PLXDC2: variants seen among roughly 807,000 people sequenced by gnomAD.
PLXDC2 encodes the protein plexin domain-containing protein 2.
In PLXDC2, 40 loss-of-function variants were observed where a neutral mutation model predicts 68.9. The ratio of observed to expected loss-of-function variants is 0.58; its 90% CI spans 0.45 to 0.76. PLXDC2 has a LOEUF of 0.76. Among genes scored for constraint, PLXDC2 ranks in the 30% least tolerant of loss-of-function variants. The probability of loss-of-function intolerance (pLI) is 0.00; values close to 1 mark genes in which losing one functional copy is unlikely to be tolerated. For synonymous variants in PLXDC2, 243 were observed against 234.2 expected (o/e 1.04, Z -0.34); for missense variants, 644 against 661.9 (o/e 0.97, Z 0.30).
At chr10:20,134,776 G>T (rs547087917) in intron 4 of PLXDC2, among the ~76,000 whole-genome samples, 1 of 152,074 alleles carries the variant, frequency 6.6e-6, no homozygotes, top group African/African-American at 2.4e-5. Context: ...ACCTAGGATT[G>T]CAAGTGTTGG....
chr10:20,210,963 G>C (rs1464550941), intron 9 of PLXDC2, among the ~76,000 whole-genome samples: 1 of 152,008 alleles, frequency 6.6e-6, no homozygotes, highest in Non-Finnish European at 1.5e-5. Context: ...CTCTCCCCAG[G>C]GTCAAACTGT....
chr10:20,093,268 C>G (rs1833305153), intron 4 of PLXDC2, among the ~76,000 whole-genome samples: 1 of 151,962 alleles, frequency 6.6e-6, no homozygotes, highest in South Asian at 2.1e-4. Context: ...TTCTCTCTCC[C>G]CATTCTTCAT....
intron 13 of PLXDC2, among the ~76,000 whole-genome samples, chr10:20,249,865 A>G (rs1835650614): frequency 6.6e-6 from 1 of 152,158 alleles, no homozygotes; most frequent in African/African-American, 2.4e-5. Context: ...AATTATATTA[A>G]AATGTAACCC....
chr10:20,119,442 G>A (rs1365690131), intron 4 of PLXDC2, among the ~76,000 whole-genome samples: 1 of 151,966 alleles, frequency 6.6e-6, no homozygotes, highest in East Asian at 1.9e-4. Flanking sequence ...TGAGCCAGGA[G>A]AAGGAATTTC....
At chr10:19,969,246 T>G (rs551090723) in intron 1 of PLXDC2, among the ~76,000 whole-genome samples, 1 of 152,308 alleles carries the variant, frequency 6.6e-6, no homozygotes, top group African/African-American at 2.4e-5. Flanking sequence ...CTCTCGTTCC[T>G]CCATTCATCC....
chr10:20,062,731 A>G (rs11011765), intron 3 of PLXDC2, among the ~76,000 whole-genome samples: 22,230 of 152,150 alleles, frequency 0.15, 1,913 homozygotes, highest in South Asian at 0.3. Context: ...CAGTTTCAAT[A>G]AAGTTAGTAA....
chr10:20,211,826 A>G, intron 10 of PLXDC2, 97 bp downstream of exon 10: 4 of 1,137,756 alleles, frequency 3.5e-6, no homozygotes, highest in Non-Finnish European at 5.0e-6. Flanking sequence ...ATGCCCTAAA[A>G]CTTAATGAAA....
intron 4 of PLXDC2, among the ~76,000 whole-genome samples, chr10:20,072,645 G>T (rs777092737): frequency 6.6e-6 from 1 of 152,206 alleles, no homozygotes; most frequent in Non-Finnish European, 1.5e-5. Flanking sequence ...TGGAAGGCAG[G>T]TTAGGGTGAA....
intron 6 of PLXDC2, among the ~76,000 whole-genome samples, chr10:20,151,902 A>G (rs1409967655): frequency 6.6e-6 from 1 of 152,084 alleles, no homozygotes; most frequent in Non-Finnish European, 1.5e-5. Context: ...TTTTATGTGA[A>G]TGAGAAGAAA....
rs149547594 is a variant in PLXDC2 at position 20,262,736 on chromosome 10, G to A, written c.1474-16967G>A. 3.4e-3 allele frequency among the ~76,000 whole-genome samples: 519 copies of A among 152,350 alleles called. 3 individuals carry two copies. Among genetic ancestry groups the A allele is most frequent in the African/African-American group, 9.7e-3 (403 of 41,586 alleles). ...ATAGTTTTCACTGGTGACACCTACA[G>A]GTTCTGAAAAATCTGAGGTGGCTAG... On this transcript the variant is annotated intron_variant, in intron 13 of 13. Transcript: ENST00000377252.
intron 4 of PLXDC2, among the ~76,000 whole-genome samples, chr10:20,095,475 G>GA (rs1409176170): frequency 6.6e-6 from 1 of 152,252 alleles, no homozygotes; most frequent in Admixed American, 6.5e-5. Context: ...AAGAACTATG[G>GA]AAAAAATATG....
At chr10:20,220,358 G>T (rs1835193188) in intron 12 of PLXDC2, among the ~76,000 whole-genome samples, 1 of 152,026 alleles carries the variant, frequency 6.6e-6, no homozygotes, top group Non-Finnish European at 1.5e-5. Context: ...GAAGAGATGG[G>T]GTATAAAGTT....
chr10:20,249,000 A>C (rs763466230), intron 13 of PLXDC2, among the ~76,000 whole-genome samples: 1 of 152,222 alleles, frequency 6.6e-6, no homozygotes, highest in African/African-American at 2.4e-5. Context: ...GCATGCAGAA[A>C]TGATGACTAT....
At chr10:19,851,375 G>A (rs1279044047) in intron 1 of PLXDC2, among the ~76,000 whole-genome samples, 8 of 152,136 alleles carry the variant, frequency 5.3e-5, no homozygotes, top group African/African-American at 7.2e-5. Context: ...TTAACAATTC[G>A]TAGATTTGAC....
At chr10:20,163,950 G>C (rs987102310) in intron 6 of PLXDC2, among the ~76,000 whole-genome samples, 3 of 152,052 alleles carry the variant, frequency 2.0e-5, no homozygotes, top group African/African-American at 7.2e-5. Context: ...AATTTAATTA[G>C]ATATTAATCA....
chr10:20,146,902 A>T (rs546290663), intron 5 of PLXDC2, among the ~76,000 whole-genome samples: 1 of 152,236 alleles, frequency 6.6e-6, no homozygotes, highest in South Asian at 2.1e-4. Context: ...TTTTAGTTCT[A>T]TGATTTTCAT....
At chr10:20,216,621 G>A (rs1835141646) in intron 10 of PLXDC2, among the ~76,000 whole-genome samples, 1 of 152,162 alleles carries the variant, frequency 6.6e-6, no homozygotes, top group Non-Finnish European at 1.5e-5. Flanking sequence ...AACCACTCAT[G>A]TCCAGAATAG....
intron 1 of PLXDC2, among the ~76,000 whole-genome samples, chr10:19,927,952 C>T (rs1833566030): frequency 6.6e-6 from 1 of 152,050 alleles, no homozygotes; most frequent in Non-Finnish European, 1.5e-5. Flanking sequence ...ACCTCCCCTA[C>T]CTTCCTCCAT....
At chr10:19,989,938 G>A (rs1404176258) in intron 1 of PLXDC2, among the ~76,000 whole-genome samples, 2 of 151,780 alleles carry the variant, frequency 1.3e-5, no homozygotes, top group African/African-American at 4.8e-5. Context: ...TTAGTAGTGA[G>A]GAGGTTTTGC....
Sources: gnomAD v4.1 joint callset for allele counts (sites outside exome capture counted in the v4.1 genomes callset) on GRCh38, gnomAD v4.1.1 for gene constraint, MANE v1.5 for transcripts, NCBI Gene and HGNC (gene_info 2026-07-23, HGNC 2026-07-21) for gene names.